The following ASPH variants were observed in gnomAD, a reference collection of about 807,000 sequenced individuals.
ASPH encodes the protein aspartyl/asparaginyl beta-hydroxylase.
A neutral mutation model predicts 118.4 loss-of-function variants in ASPH; 100 were observed. That is an observed-to-expected ratio of 0.84 (90% CI 0.72 to 1.00). The LOEUF (loss-of-function observed/expected upper bound fraction) is 1.00. Ranked by LOEUF, ASPH falls within the 50% of genes least tolerant of loss-of-function variation. ASPH has a pLI of 0.00. For missense variants in ASPH, 920 were observed against 919.5 expected, an observed-to-expected ratio of 1.00 and a Z score of -0.01; for synonymous variants, 315 against 325.6, an observed-to-expected ratio of 0.97 and a Z score of 0.35.
At chr8:61,567,585 G>T (rs566620471) in intron 16 of ASPH, among the ~76,000 whole-genome samples, 1 of 152,320 alleles carries the variant, frequency 6.6e-6, no homozygotes, top group East Asian at 1.9e-4. Context: ...TGATGGAGAT[G>T]TACGTCCTAT....
Position 61,679,570 on chromosome 8 carries a change from CAAAT to C in ASPH, c.322+1394_322+1397del, listed in dbSNP as rs1450494263. Among the ~76,000 whole-genome samples the C allele has an allele frequency of 4.6e-5, 7 of 151,740 alleles. No individual in the cohort carries two copies. In the East Asian group the frequency reaches 1.2e-3, roughly 25 times the overall value. On this transcript the variant is annotated intron_variant, in intron 3 of 24. Transcript: ENST00000379454. Reference sequence around the variant, plus strand: ...CTGGTTTTAAGCAAAAACAAACAAACAAATAAAAATCAATAAAATGCAGTAGATG... The same window carrying C: ...CTGGTTTTAAGCAAAAACAAACAAACAAAAATCAATAAAATGCAGTAGATG...
chr8:61,638,450 C>T, intron 10 of ASPH, 87 bp from the exon 11 acceptor site: 1 of 1,143,290 alleles, frequency 8.7e-7, no homozygotes, highest in Non-Finnish European at 1.3e-6. Context: ...GAGACAATGC[C>T]TTATGCATCT....
intron 4 of ASPH, among the ~76,000 whole-genome samples, chr8:61,652,946 A>G (rs73267281): frequency 0.015 from 2,226 of 152,348 alleles, 45 homozygotes; most frequent in African/African-American, 0.049. Flanking sequence ...ATGTAGTGTC[A>G]TTCCTTAAAC....
In ASPH at chr8:61,578,445, C is replaced by A. The variant is rs1369362931; in HGVS notation, c.1063-1587G>T. 1.9e-6 allele frequency: 3 copies of A among 1,601,278 alleles called. No homozygotes were observed. The Admixed American group carries it at 5.0e-5, about 27-fold the overall frequency. ...GGTCAACCAGAGCCTACTGAGCCCC[C>A]TTGTCCTGGAGGTGGACCCCAACAT... is the stretch of plus-strand genomic sequence containing the variant. On this transcript the variant is annotated intron_variant, in intron 15 of 24. Coordinates refer to ENST00000379454, the MANE Select transcript of ASPH (RefSeq NM_004318.4).
intron 13 of ASPH, among the ~76,000 whole-genome samples, chr8:61,628,974 T>C (rs1854305827): frequency 6.6e-6 from 1 of 152,216 alleles, no homozygotes; most frequent in African/African-American, 2.4e-5. Flanking sequence ...TTTCCACCCT[T>C]GCCCCCAGAC....
chr8:61,503,395 C>A lies in ASPH; in HGVS notation c.2241G>T (p.Leu747=), dbSNP rs1361292454. The change falls in exon 25 of 25, where the codon CTG becomes CTT. Residue 747 remains leucine (L), a synonymous_variant. Coordinates refer to ENST00000379454, the MANE Select transcript of ASPH (RefSeq NM_004318.4). Reference sequence around the variant, plus strand: ...GAAGGCTGCGTCTCTGCTGTGGTGTCAGTTCCGGATGCCACACATCCACGA... The same window carrying A: ...GAAGGCTGCGTCTCTGCTGTGGTGTAAGTTCCGGATGCCACACATCCACGA... The part of the protein sequence containing the change: ...IFIVDVWHPE[L]TPQQRRSLPA... 6.2e-7 allele frequency: 1 copy of A among 1,611,662 alleles called. No individual in the cohort carries two copies. Among genetic ancestry groups the A allele is most frequent in the Non-Finnish European group, 8.5e-7 (1 of 1,178,990 alleles).
chr8:61,578,098 G>A (rs1835955605), intron 15 of ASPH: 1 of 1,045,364 alleles, frequency 9.6e-7, no homozygotes, highest in Non-Finnish European at 1.3e-6. Flanking sequence ...TACAATGGGG[G>A]TACAGGTATT....
chr8:61,553,432 G>A (rs1406993009), intron 19 of ASPH, among the ~76,000 whole-genome samples: 1 of 152,098 alleles, frequency 6.6e-6, no homozygotes, highest in Non-Finnish European at 1.5e-5. Context: ...AATTTCTCTG[G>A]CTGGATAGCT....
intron 14 of ASPH, among the ~76,000 whole-genome samples, chr8:61,618,148 G>C (rs985434278): frequency 6.6e-6 from 1 of 151,956 alleles, no homozygotes; most frequent in African/African-American, 2.4e-5. Flanking sequence ...TCAACTTGTG[G>C]GCTGTGAAAT....
At position 61,503,276 on chromosome 8, in the gene ASPH, C is replaced by T. The variant is rs1805238457; in HGVS notation, c.*83G>A. On this transcript the variant is annotated 3_prime_UTR_variant, in exon 25 of 25. Transcript: ENST00000379454. Reference sequence around the variant, plus strand: ...GTCAAGGGAATTGACTCTTGGTGTTCGAAATTCTATCCTCACACCCAAGGA... The same window carrying T: ...GTCAAGGGAATTGACTCTTGGTGTTTGAAATTCTATCCTCACACCCAAGGA... 4 of 1,463,530 alleles carry T rather than the reference C, an allele frequency of 2.7e-6. No homozygotes were observed. Among genetic ancestry groups the T allele is most frequent in the African/African-American group, 1.4e-5 (1 of 70,504 alleles). 90.7% of individuals were successfully genotyped at this position (1,463,530 alleles called of 1,614,324 possible).
chr8:61,669,732 T>C (rs1248265345), intron 3 of ASPH, among the ~76,000 whole-genome samples: 1 of 152,122 alleles, frequency 6.6e-6, no homozygotes, highest in Non-Finnish European at 1.5e-5. Context: ...TCCTACATGT[T>C]CTCCCACAGC....
chr8:61,714,167 G>C, intron 1 of ASPH, 102 bp downstream of exon 1: 1 of 1,270,752 alleles, frequency 7.9e-7, no homozygotes, highest in Non-Finnish European at 9.9e-7. Context: ...TGGAGGCGGC[G>C]CGCGGTGGGA....
At chr8:61,714,151 G>C in intron 1 of ASPH, 118 bp downstream of exon 1, 1 of 1,261,992 alleles carries the variant, frequency 7.9e-7, no homozygotes, top group South Asian at 2.6e-5. Context: ...GGAGCGTCGC[G>C]GGGGATGGAG....
chr8:61,662,124 G>A (rs1050969948), intron 3 of ASPH, among the ~76,000 whole-genome samples: 9 of 152,108 alleles, frequency 5.9e-5, no homozygotes, highest in African/African-American at 2.2e-4. Flanking sequence ...TTAAAGGATA[G>A]AAGATCATCC....
chr8:61,607,608 A>C (rs1845981033), intron 14 of ASPH, among the ~76,000 whole-genome samples: 1 of 146,098 alleles, frequency 6.8e-6, no homozygotes, highest in Non-Finnish European at 1.5e-5. Flanking sequence ...TATTACTTTA[A>C]TAATAAGAGT....
At position 61,526,062 on chromosome 8, in the gene ASPH, C is replaced by T; in HGVS notation, c.1815G>A (p.Met605Ile). ...GCAGGAAGAGACCTTTGGCTTTATCCATCACTGCAAGGCCTTCATCTCGGA... is the reference window on the plus strand; with the variant it reads ...GCAGGAAGAGACCTTTGGCTTTATCTATCACTGCAAGGCCTTCATCTCGGA... ...KLIRDEGLAV[M>I]DKAKGLFLPE... Residue 605 changes from methionine (M) to isoleucine (I), a missense_variant, in exon 22 of 25, where the codon ATG becomes ATA. Physicochemically the swap from Met to Ile is conservative, Grantham distance 10. Transcript: ENST00000379454. The T allele has an allele frequency of 1.9e-6, 3 of 1,614,026 alleles. No individual in the cohort carries two copies. The Admixed American group carries it at 5.0e-5, about 27-fold the overall frequency.
intron 15 of ASPH, chr8:61,578,967 A>C: frequency 6.2e-7 from 1 of 1,611,350 alleles, no homozygotes. Context: ...GTCCATGGAC[A>C]ACAGCCGCTC....
intron 3 of ASPH, among the ~76,000 whole-genome samples, chr8:61,678,370 A>G (rs540935381): frequency 6.6e-6 from 1 of 152,278 alleles, no homozygotes; most frequent in East Asian, 1.9e-4. Context: ...ACAACAAAAG[A>G]TACCTATATT....
Position 61,503,279 on chromosome 8 carries a change from A to C in ASPH, c.*80T>G, listed in dbSNP as rs1474862101. On this transcript the variant is annotated 3_prime_UTR_variant, in exon 25 of 25. Transcript: ENST00000379454. ...AAGGGAATTGACTCTTGGTGTTCGA[A>C]ATTCTATCCTCACACCCAAGGAGAT... 2.0e-6 allele frequency: 3 copies of C among 1,477,300 alleles called. No homozygotes were observed. The African/African-American group carries it at 4.2e-5, about 21-fold the overall frequency. The allele number at this position is 1,477,300 out of a possible 1,614,324, so 91.5% of individuals were successfully genotyped here.
Sources: allele counts gnomAD v4.1 joint callset (sites outside exome capture counted in the v4.1 genomes callset), GRCh38; gene constraint gnomAD v4.1.1; transcripts MANE v1.5; gene names NCBI Gene and HGNC (gene_info 2026-07-23, HGNC 2026-07-21).